Variants in VRK2 observed in about 807,000 individuals in gnomAD.
VRK2 encodes the protein serine/threonine-protein kinase VRK2.
VRK2 carries 60 observed loss-of-function variants against 57.6 expected under a neutral mutation model. The observed-to-expected ratio is 1.04, with a 90% CI of 0.85 to 1.29. The LOEUF is 1.29. VRK2 is among the 50% of genes most tolerant of loss of function. The pLI is 0.00. For synonymous variants in VRK2, 231 were observed against 199.2 expected (o/e 1.16, Z -1.35); for missense variants, 705 against 588.1 (o/e 1.20, Z -2.06).
At chr2:58,103,881 A>C (rs1295002192) in intron 7 of VRK2, among the ~76,000 whole-genome samples, 1 of 151,890 alleles carries the variant, frequency 6.6e-6, no homozygotes, top group African/African-American at 2.4e-5. Context: ...CAGTGCATTA[A>C]AAAGATAATA....
intron 2 of VRK2, 50 bp downstream of exon 2, chr2:58,049,017 C>T (rs1222708893): frequency 6.4e-7 from 1 of 1,574,276 alleles, no homozygotes; most frequent in Non-Finnish European, 8.6e-7. Context: ...GTGACTGTAA[C>T]CGTGATTACT....
rs375372500 is a variant in VRK2 at position 58,086,393 on chromosome 2, A to C, written c.311A>C (p.Tyr104Ser). 22 of 1,605,346 alleles carry C rather than the reference A, an allele frequency of 1.4e-5. No individual in the cohort carries two copies. Among genetic ancestry groups the C allele is most frequent in the East Asian group, 6.8e-5 (3 of 44,296 alleles). Residue 104 changes from tyrosine to serine, a missense_variant, in exon 5 of 13, where the codon TAT becomes TCT. Coordinates refer to ENST00000340157, the MANE Select transcript of VRK2 (RefSeq NM_006296.7). The stretch of plus-strand genomic sequence containing the variant: ...GATTATTTAGGAATTCCTCTGTTTT[A>C]TGGATCTGGTCTGACTGAATTCAAG... ...QLDYLGIPLF[Y>S]GSGLTEFKGR...
chr2:57,911,348 G>A (rs1003487241), intron 1 of VRK2, among the ~76,000 whole-genome samples: 1 of 152,040 alleles, frequency 6.6e-6, no homozygotes, highest in African/African-American at 2.4e-5. Context: ...AATACATTTG[G>A]GAAACACTAC....
chr2:58,093,224 C>T (rs1178727081), intron 7 of VRK2, among the ~76,000 whole-genome samples: 1 of 152,176 alleles, frequency 6.6e-6, no homozygotes, highest in East Asian at 1.9e-4. Context: ...TTCTAGATCC[C>T]TGAGGAATCG....
chr2:58,031,036 C>T (rs1674095874), intron 2 of VRK2, among the ~76,000 whole-genome samples: 1 of 152,048 alleles, frequency 6.6e-6, no homozygotes, highest in Non-Finnish European at 1.5e-5. Context: ...CCAGCATGCA[C>T]ACCTTCTCAA....
At chr2:58,029,797 T>C (rs1267079226) in intron 2 of VRK2, among the ~76,000 whole-genome samples, 1 of 152,116 alleles carries the variant, frequency 6.6e-6, no homozygotes, top group African/African-American at 2.4e-5. Flanking sequence ...ACCTTGAGTA[T>C]CTAGATGAAG....
intron 3 of VRK2, among the ~76,000 whole-genome samples, chr2:58,035,915 CT>C (rs767061353): frequency 1.7e-4 from 26 of 151,984 alleles, no homozygotes; most frequent in Admixed American, 6.6e-5. Context: ...TAGAGTTGTT[CT>C]TTTGAACTAT....
At chr2:58,015,439 C>T (rs890218833) in intron 1 of VRK2, among the ~76,000 whole-genome samples, 1 of 152,068 alleles carries the variant, frequency 6.6e-6, no homozygotes, top group African/African-American at 2.4e-5. Context: ...ATTCTATTGA[C>T]CTTACATGGA....
At chr2:58,085,803 G>GA (rs923722668) in intron 4 of VRK2, among the ~76,000 whole-genome samples, 1 of 151,302 alleles carries the variant, frequency 6.6e-6, no homozygotes, top group Non-Finnish European at 1.5e-5. Flanking sequence ...CTAGAGTCAT[G>GA]AAAAAAATGA....
At chr2:58,034,556 A>G (rs1674214475) in intron 3 of VRK2, among the ~76,000 whole-genome samples, 2 of 151,966 alleles carry the variant, frequency 1.3e-5, no homozygotes. Context: ...GAAGGCAGGG[A>G]TGGTTTGTTT....
upstream of VRK2, among the ~76,000 whole-genome samples, chr2:58,043,073 A>T (rs1441262462): frequency 1.3e-5 from 2 of 152,208 alleles, no homozygotes; most frequent in African/African-American, 4.8e-5. Flanking sequence ...TTTATTTAGT[A>T]CAAATTTATT....
intron 1 of VRK2, among the ~76,000 whole-genome samples, chr2:57,963,674 G>A (rs537889311): frequency 1.3e-5 from 2 of 152,162 alleles, no homozygotes; most frequent in South Asian, 2.1e-4. Flanking sequence ...ACACATTCAC[G>A]TATCAGTCCC....
In VRK2 at chr2:58,025,323, A is replaced by G. The variant is rs560465739; in HGVS notation, c.-438-342A>G. On this transcript the variant is annotated intron_variant, in intron 1 of 15. Coordinates refer to the VRK2 transcript ENST00000417641. Reference sequence around the variant, plus strand: ...TAAAGCAATTAGAACTGGGCCTGCCATATACTGATAGCTCATTATGTGGTA... The same window carrying G: ...TAAAGCAATTAGAACTGGGCCTGCCGTATACTGATAGCTCATTATGTGGTA... Among the ~76,000 whole-genome samples, 3 of 152,112 alleles carry G rather than the reference A, an allele frequency of 2.0e-5. No homozygotes were observed. In the East Asian group the frequency reaches 5.8e-4, roughly 29 times the overall value.
At position 58,147,800 on chromosome 2, in the gene VRK2, GTT is replaced by G. The variant is rs55745402; in HGVS notation, c.1182+1341_1182+1342del. On this transcript the variant is annotated intron_variant, in intron 12 of 12. Transcript: ENST00000340157. The stretch of plus-strand genomic sequence containing the variant: ...TTGGGCCTGGCTTCTTTCACTCAGT[GTT>G]TTTTTTTTTTTTTTGAGATTTATCC... Among the ~76,000 whole-genome samples, 916 of 132,702 alleles carry G rather than the reference GTT, an allele frequency of 6.9e-3. 9 individuals are homozygous for G. The highest frequency in any genetic ancestry group is 0.022 in the African/African-American group (797 of 36,272). 87.1% of individuals were successfully genotyped at this position (132,702 alleles called of 152,430 possible). A position where few individuals can be genotyped will look rare whatever the true frequency, so the allele number is the denominator to read the frequency against.
At chr2:57,955,867 C>T (rs1671571616) in intron 1 of VRK2, among the ~76,000 whole-genome samples, 1 of 152,042 alleles carries the variant, frequency 6.6e-6, no homozygotes, top group Non-Finnish European at 1.5e-5. Flanking sequence ...ATTTTGGGTA[C>T]AAGGACAGAT....
At chr2:57,984,324 T>C (rs1227982478) in intron 1 of VRK2, among the ~76,000 whole-genome samples, 1 of 152,042 alleles carries the variant, frequency 6.6e-6, no homozygotes, top group Non-Finnish European at 1.5e-5. Flanking sequence ...CAACTAAATG[T>C]ATCACTGAAA....
At chr2:57,988,100 C>T (rs189648797) in intron 1 of VRK2, among the ~76,000 whole-genome samples, 6 of 152,152 alleles carry the variant, frequency 3.9e-5, no homozygotes, top group Admixed American at 6.5e-5. Context: ...CACAACTGTA[C>T]ATATCTTTGC....
chr2:58,025,754 C>T (rs1488261842), exon 2 of VRK2: 2 of 152,034 alleles, frequency 1.3e-5, no homozygotes, highest in Admixed American at 6.5e-5. Context: ...TTCAGTTTAC[C>T]AGAGAAAAGA....
At chr2:58,055,621 G>A (rs536682332) in intron 2 of VRK2, among the ~76,000 whole-genome samples, 1 of 152,294 alleles carries the variant, frequency 6.6e-6, no homozygotes, top group African/African-American at 2.4e-5. Flanking sequence ...AGAGCCAGGT[G>A]CAATCAAAGC....
Sources: gnomAD v4.1 joint callset for allele counts (sites outside exome capture counted in the v4.1 genomes callset) on GRCh38, gnomAD v4.1.1 for gene constraint, MANE v1.5 for transcripts, NCBI Gene and HGNC (gene_info 2026-07-23, HGNC 2026-07-21) for gene names.